The following GRXCR2 variants were observed in gnomAD, a reference collection of about 807,000 sequenced individuals.
GRXCR2 encodes the protein glutaredoxin domain-containing cysteine-rich protein 2.
Under a neutral mutation model 24.8 loss-of-function variants are expected in GRXCR2, and 23 were observed. The ratio of observed to expected loss-of-function variants is 0.93; its 90% CI spans 0.67 to 1.32. The LOEUF (loss-of-function observed/expected upper bound fraction) is 1.32. Among genes scored for constraint, GRXCR2 ranks in the 40% most tolerant of loss-of-function variants. The probability of loss-of-function intolerance (pLI) is 0.00; values close to 1 mark genes in which losing one functional copy is unlikely to be tolerated. For missense variants in GRXCR2, 315 were observed against 303.4 expected (o/e 1.04, Z -0.28); for synonymous variants, 130 against 116.1 (o/e 1.12, Z -0.77).
At chr5:145,916,477 A>C (rs1048482437) in intron 2 of GRXCR2, among the ~76,000 whole-genome samples, 1 of 152,142 alleles carries the variant, frequency 6.6e-6, no homozygotes. Flanking sequence ...ACCAGGCCCC[A>C]GGCTGAACCC....
At chr5:145,917,533 G>A (rs767194712) in intron 2 of GRXCR2, among the ~76,000 whole-genome samples, 10 of 152,194 alleles carry the variant, frequency 6.6e-5, no homozygotes, top group Non-Finnish European at 1.0e-4. Context: ...CTCAGTGCTG[G>A]ACAACAAGGA....
At chr5:145,908,710 G>A (rs1757122681) in intron 2 of GRXCR2, among the ~76,000 whole-genome samples, 1 of 152,284 alleles carries the variant, frequency 6.6e-6, no homozygotes, top group Non-Finnish European at 1.5e-5. Flanking sequence ...GGACCCTGGG[G>A]ATTTGGAATC....
In GRXCR2 at chr5:145,872,920, G is replaced by A. The variant is rs376301264; in HGVS notation, c.49C>T (p.Arg17Trp). The A allele has an allele frequency of 1.2e-5, 20 of 1,614,018 alleles. No homozygotes were observed. Among genetic ancestry groups the A allele is most frequent in the African/African-American group, 6.7e-5 (5 of 74,908 alleles). The change falls in exon 1 of 3, where the codon CGG (arginine) becomes TGG (tryptophan). Residue 17 changes from arginine (R) to tryptophan (W), a missense_variant. Coordinates refer to ENST00000377976, the MANE Select transcript of GRXCR2 (RefSeq NM_001080516.2). ...KLNQKSDGKPRKVRFKISSSY... is the reference protein window; with the variant it reads ...KLNQKSDGKPWKVRFKISSSY... ...GAGGAGATTTTAAATCGTACTTTCC[G>A]GGGTTTGCCATCACTCTTCTGATTC...
chr5:145,882,103 G>C (rs1323550119), intron 2 of GRXCR2, among the ~76,000 whole-genome samples: 1 of 152,150 alleles, frequency 6.6e-6, no homozygotes, highest in Non-Finnish European at 1.5e-5. Flanking sequence ...TCAGGACATA[G>C]GCATGGGCAA....
In GRXCR2 at chr5:145,872,953, T is replaced by C. The variant is rs1561678515; in HGVS notation, c.16A>G (p.Lys6Glu). The C allele has an allele frequency of 6.2e-7, 1 of 1,613,934 alleles. No homozygotes were observed. Among genetic ancestry groups the C allele is most frequent in the Non-Finnish European group, 8.5e-7 (1 of 1,179,876 alleles). Residue 6 changes from lysine to glutamate, a missense_variant, in exon 1 of 3, where the codon AAA becomes GAA. Coordinates refer to ENST00000377976, the MANE Select transcript of GRXCR2 (RefSeq NM_001080516.2). MEDPE[K>E]KLNQKSDGKP... ...CCATCACTCTTCTGATTCAGCTTTT[T>C]CTCAGGGTCCTCCATCAGCAGAAAG...
rs1469011631 is a variant in GRXCR2, at chr5:145,915,325, T to TA, written c.-70+20375dup. Among the ~76,000 whole-genome samples, 3 of 152,300 alleles carry TA rather than the reference T, an allele frequency of 2.0e-5. No homozygotes were observed. The East Asian group carries it at 5.8e-4, about 29-fold the overall frequency. On this transcript the variant is annotated intron_variant, in intron 2 of 3. Coordinates refer to the GRXCR2 transcript ENST00000639411. ...TGGATGTTTTGCAAACCCTTCTAGT[T>TA]ATTGTTCCTGCTTGGCCTGACCTTT...
chr5:145,908,107 C>T (rs962012530), intron 2 of GRXCR2, among the ~76,000 whole-genome samples: 2 of 152,156 alleles, frequency 1.3e-5, no homozygotes, highest in African/African-American at 4.8e-5. Context: ...AATGTCATGT[C>T]TTCTTTGTCC....
intron 2 of GRXCR2, among the ~76,000 whole-genome samples, chr5:145,927,912 T>C (rs1484132098): frequency 2.6e-5 from 4 of 152,132 alleles, no homozygotes; most frequent in African/African-American, 9.7e-5. Context: ...GGGATCTAAC[T>C]AAACTAAAGA....
chr5:145,927,345 G>A (rs2149930513), intron 2 of GRXCR2, among the ~76,000 whole-genome samples: 3 of 152,262 alleles, frequency 2.0e-5, no homozygotes, highest in Admixed American at 2.0e-4. Flanking sequence ...TGCCCATTCA[G>A]TATGATATTG....
At chr5:145,919,499 T>C (rs1359932534) in intron 2 of GRXCR2, among the ~76,000 whole-genome samples, 1 of 152,164 alleles carries the variant, frequency 6.6e-6, no homozygotes, top group African/African-American at 2.4e-5. Flanking sequence ...CCCAGTGCAA[T>C]GCTGAGTCCC....
chr5:145,880,961 C>A (rs1484424374), intron 2 of GRXCR2, among the ~76,000 whole-genome samples: 1 of 152,172 alleles, frequency 6.6e-6, no homozygotes, highest in Non-Finnish European at 1.5e-5. Context: ...CAGAAAAGGC[C>A]TTTGACAAAA....
chr5:145,867,926 T>C (rs868641901), intron 1 of GRXCR2, among the ~76,000 whole-genome samples: 1 of 152,106 alleles, frequency 6.6e-6, no homozygotes. Flanking sequence ...CCAGCCTCCC[T>C]TCAGGGAGCC....
At chr5:145,880,766 T>C (rs1756688970) in intron 2 of GRXCR2, among the ~76,000 whole-genome samples, 1 of 152,080 alleles carries the variant, frequency 6.6e-6, no homozygotes, top group African/African-American at 2.4e-5. Context: ...TGAACATGAG[T>C]GCGAAAATTC....
intron 2 of GRXCR2, 93 bp from the exon 3 acceptor site, chr5:145,860,008 G>A (rs1278894378): frequency 4.5e-5 from 47 of 1,045,224 alleles, no homozygotes; most frequent in Non-Finnish European, 6.1e-5. Context: ...AGCAAAGGCT[G>A]GGGCAGAATA....
At position 145,859,471 on chromosome 5, in the gene GRXCR2, A is replaced by T; in HGVS notation, c.*262T>A. On this transcript the variant is annotated 3_prime_UTR_variant, in exon 3 of 3. Coordinates refer to ENST00000377976, the MANE Select transcript of GRXCR2 (RefSeq NM_001080516.2). ...AACTGAGCTAAGTCAAGTGAGATACACTCACACCATCCTGGAAGGATAATT... is the reference window on the plus strand; with the variant it reads ...AACTGAGCTAAGTCAAGTGAGATACTCTCACACCATCCTGGAAGGATAATT... 1.9e-6 allele frequency: 1 copy of T among 514,648 alleles called. No individual in the cohort carries two copies. The highest frequency in any genetic ancestry group is 3.5e-6 in the Non-Finnish European group (1 of 288,856). 31.9% of individuals were successfully genotyped at this position (514,648 alleles called of 1,614,324 possible).
In GRXCR2 at chr5:145,889,219, A is replaced by AGAAAGAAG; in HGVS notation, c.-69-22492_-69-22491insCTTCTTTC. Among the ~76,000 whole-genome samples, 4 of 150,598 alleles carry AGAAAGAAG rather than the reference A, an allele frequency of 2.7e-5. No homozygotes were observed. In the South Asian group the frequency reaches 8.4e-4, roughly 32 times the overall value. ...AAGAAAGAAAGAAAGAAAGAAAGAA[A>AGAAAGAAG]GAAAGAAAGAAAGAAAGAAAGAAAG... On this transcript the variant is annotated intron_variant, in intron 2 of 3. Transcript: ENST00000639411.
At chr5:145,864,108 G>C (rs1457670781) in intron 2 of GRXCR2, among the ~76,000 whole-genome samples, 1 of 152,094 alleles carries the variant, frequency 6.6e-6, no homozygotes, top group Non-Finnish European at 1.5e-5. Context: ...CAATCCTAGA[G>C]GATTTTTTTC....
At chr5:145,884,627 T>C (rs923184795) in intron 2 of GRXCR2, among the ~76,000 whole-genome samples, 16 of 143,634 alleles carry the variant, frequency 1.1e-4, no homozygotes, top group African/African-American at 4.7e-4. Flanking sequence ...AAAGTAAAAA[T>C]GAAAAAAAAA....
At chr5:145,931,516 T>C (rs1363909140) in intron 2 of GRXCR2, among the ~76,000 whole-genome samples, 1 of 152,218 alleles carries the variant, frequency 6.6e-6, no homozygotes, top group Non-Finnish European at 1.5e-5. Context: ...ATACCCTCAA[T>C]TGGAGAGGAA....
Sources: gnomAD v4.1 joint callset for allele counts (sites outside exome capture counted in the v4.1 genomes callset) on GRCh38, gnomAD v4.1.1 for gene constraint, MANE v1.5 for transcripts, NCBI Gene and HGNC (gene_info 2026-07-23, HGNC 2026-07-21) for gene names.